SUGP2: variants seen among roughly 807,000 people sequenced by gnomAD.
The protein encoded by SUGP2 is SURP and G-patch domain-containing protein 2.
A neutral mutation model predicts 90.5 loss-of-function variants in SUGP2; 24 were observed. The observed-to-expected ratio is 0.27, with a 90% CI of 0.19 to 0.37. SUGP2 has a LOEUF of 0.37. Ranked by LOEUF, SUGP2 falls within the 10% of genes least tolerant of loss-of-function variation. The pLI, the probability that SUGP2 is intolerant of heterozygous loss-of-function variation, is 1.00. For synonymous variants in SUGP2, 473 were observed against 513.4 expected (o/e 0.92, Z 1.06); for missense variants, 1,233 against 1,363.3 (o/e 0.90, Z 1.51).
Position 19,001,638 on chromosome 19 carries a change from C to G in SUGP2, c.2966G>C (p.Arg989Pro). The G allele has an allele frequency of 6.2e-7, 1 of 1,614,188 alleles. No homozygotes were observed. The highest frequency in any genetic ancestry group is 2.2e-5 in the East Asian group (1 of 44,884). ...CTTCTTTTTGGACATGGGACGACCC[C>G]GAGGCCTGTCATAGGCAATTCGAAC... The part of the protein sequence containing the change: ...EPVRIAYDRP[R>P]GRPMSKKKKP... Residue 989 changes from arginine to proline, a missense_variant, in exon 8 of 11, where the codon CGG becomes CCG. Transcript: ENST00000452918.
chr19:19,000,751 A>G (rs1009398432), intron 8 of SUGP2, among the ~76,000 whole-genome samples: 2 of 150,452 alleles, frequency 1.3e-5, no homozygotes, highest in Non-Finnish European at 3.0e-5. Context: ...TCTGTCGCCC[A>G]AGCTGGGGTG....
At chr19:18,995,315 CAGGGAGATGCCTGGATCA>C (rs753532189) in intron 8 of SUGP2, 35 bp from the exon 9 acceptor site, 1 of 1,561,104 alleles carries the variant, frequency 6.4e-7, no homozygotes, top group Non-Finnish European at 8.7e-7. Context: ...ATGTGGGCCA[CAGGGAGATGCCTGGATCA>C]AGGGTCTGTC....
At chr19:18,999,892 G>A (rs907973139) in intron 8 of SUGP2, among the ~76,000 whole-genome samples, 4 of 152,116 alleles carry the variant, frequency 2.6e-5, no homozygotes, top group Non-Finnish European at 5.9e-5. Flanking sequence ...TCCCTCTTCT[G>A]CCCAAGCTGA....
Position 18,994,391 on chromosome 19 carries a change from T to C in SUGP2, c.3224A>G (p.Tyr1075Cys). ...CTATTTGTTGGCCCGCTTGTGTCTG[T>C]ACATCTGCATCATCCTCTGTCGGAA... ...DVFRQRMMQM[Y>C]RHKRANK Residue 1075 changes from tyrosine to cysteine, a missense_variant, in exon 10 of 11, where the codon TAC becomes TGC. By Grantham distance (194) the Tyr-to-Cys change is radical (BLOSUM62 -2). Transcript: ENST00000452918. 1 of 1,614,240 alleles carries C rather than the reference T, an allele frequency of 6.2e-7. No homozygotes were observed. Among genetic ancestry groups the C allele is most frequent in the Admixed American group, 1.7e-5 (1 of 60,024 alleles).
Position 19,010,036 on chromosome 19 carries a change from G to T in SUGP2, c.2157C>A (p.Gly719=). The stretch of plus-strand genomic sequence containing the variant: ...GCAGGGATGGTTTTGCCTGTGAGAG[G>T]CCTGGAGCCTGCCGGCCGTGGTGTT... ...RLKHHGRQAP[G]LSQAKPSLPD... The change falls in exon 5 of 11, where the codon GGC becomes GGA. Residue 719 remains glycine, a synonymous_variant. Transcript: ENST00000452918. 1 of 1,614,100 alleles carries T rather than the reference G, an allele frequency of 6.2e-7. No individual in the cohort carries two copies. Among genetic ancestry groups the T allele is most frequent in the East Asian group, 2.2e-5 (1 of 44,860 alleles).
intron 7 of SUGP2, among the ~76,000 whole-genome samples, chr19:19,002,528 T>C (rs1349423625): frequency 6.8e-6 from 1 of 146,712 alleles, no homozygotes; most frequent in Non-Finnish European, 1.5e-5. Context: ...TTTTTTTTTT[T>C]TTGAGACACA....
At position 18,994,349 on chromosome 19, in the gene SUGP2, C is replaced by G; in HGVS notation, c.*17G>C. 6.2e-7 allele frequency: 1 copy of G among 1,613,384 alleles called. No individual in the cohort carries two copies. The highest frequency in any genetic ancestry group is 8.5e-7 in the Non-Finnish European group (1 of 1,179,526). On this transcript the variant is annotated intron_variant, in intron 10 of 10. Transcript: ENST00000452918. ...CAGCGAGGGCAGACGGCCTTACACA[C>G]TGGCCTGTGAACATACCTATTTGTT...
At position 19,025,689 on chromosome 19, in the gene SUGP2, T is replaced by A. The variant is rs767723347; in HGVS notation, c.659A>T (p.Asp220Val). The change falls in exon 3 of 11, where the codon GAC (aspartate) becomes GTC (valine). Residue 220 changes from aspartate to valine, a missense_variant. By Grantham distance (152) the Asp-to-Val change is radical. Coordinates refer to ENST00000452918, the MANE Select transcript of SUGP2 (RefSeq NM_001017392.5). ...QARGRALNIV[D>V]QEGSLLGKGE... ...CTTTCCTAGGAGGGAACCTTCCTGG[T>A]CAACGATGTTTAGAGCTCGACCTCT... is the stretch of plus-strand genomic sequence containing the variant. The A allele has an allele frequency of 5.8e-5, 93 of 1,613,930 alleles. No individual in the cohort carries two copies. The highest frequency in any genetic ancestry group is 7.4e-5 in the Non-Finnish European group (87 of 1,180,006).
chr19:18,995,058 C>T, intron 9 of SUGP2, 86 bp downstream of exon 9: 1 of 1,529,126 alleles, frequency 6.5e-7, no homozygotes, highest in Non-Finnish European at 8.9e-7. Flanking sequence ...TGTAAGCCAT[C>T]TTGGCTGTGA....
chr19:19,029,431 G>A (rs1234329054), intron 2 of SUGP2, among the ~76,000 whole-genome samples: 1 of 143,570 alleles, frequency 7.0e-6, no homozygotes, highest in Non-Finnish European at 1.5e-5. Context: ...ACTGCGCCCG[G>A]CCATTTTTTT....
chr19:19,006,333 G>A (rs1420366276), intron 6 of SUGP2, among the ~76,000 whole-genome samples: 4 of 152,074 alleles, frequency 2.6e-5, no homozygotes, highest in African/African-American at 9.7e-5. Context: ...TTTTTCTAAA[G>A]GCAAAAGAAA....
upstream of SUGP2, chr19:19,033,760 A>C (rs1357965487): frequency 4.0e-6 from 1 of 250,950 alleles, no homozygotes; most frequent in Non-Finnish European, 7.6e-6. Flanking sequence ...CGTTGGCTTT[A>C]CCTTGGTTCG....
intron 8 of SUGP2, among the ~76,000 whole-genome samples, chr19:18,997,782 C>CAAAAAAAAAAAAAAAA (rs35875282): frequency 1.1e-5 from 1 of 88,278 alleles, no homozygotes; most frequent in Non-Finnish European, 2.2e-5. Flanking sequence ...GACTCCGTCT[C>CAAAAAAAAAAAAAAAA]AAAAAAAAAA....
intron 1 of SUGP2, among the ~76,000 whole-genome samples, chr19:19,031,824 C>T (rs895608538): frequency 5.8e-5 from 8 of 138,064 alleles, no homozygotes; most frequent in South Asian, 2.3e-4. Context: ...TTTTATTTAT[C>T]TTTTTTTTTT....
rs190595836 is a variant in SUGP2 at position 19,008,951 on chromosome 19, G to A, written c.2339-523C>T. Among the ~76,000 whole-genome samples, 18 of 152,146 alleles carry A rather than the reference G, an allele frequency of 1.2e-4. No individual in the cohort carries two copies. In the East Asian group the frequency reaches 2.9e-3, roughly 24 times the overall value. ...TTTTGAGATGGAGTCTTGCTCTGTC[G>A]CCCAGGCTGGAGTGCAGTGGTGAGA... is the stretch of plus-strand genomic sequence containing the variant. On this transcript the variant is annotated intron_variant, in intron 5 of 10. Transcript: ENST00000452918.
intron 3 of SUGP2, among the ~76,000 whole-genome samples, chr19:19,022,503 A>G (rs2145662425): frequency 6.6e-6 from 1 of 152,340 alleles, no homozygotes; most frequent in South Asian, 2.1e-4. Flanking sequence ...GGTCAATATC[A>G]GGATGTAGCA....
rs762775198 is a variant in SUGP2, at chr19:19,010,142, C to T, written c.2051G>A (p.Arg684His). 14 of 1,612,398 alleles carry T rather than the reference C, an allele frequency of 8.7e-6. No homozygotes were observed. The highest frequency in any genetic ancestry group is 3.3e-4 in the Middle Eastern group (2 of 6,054). The change falls in exon 5 of 11, where the codon CGT becomes CAT. Residue 684 changes from arginine to histidine, a missense_variant. Arg to His is a conservative substitution (Grantham distance 29, BLOSUM62 0). Around this residue, in one of 8 missense-constraint regions of SUGP2, gnomAD observed 540 missense variants for 542.6 expected, o/e 1.00. Coordinates refer to ENST00000452918, the MANE Select transcript of SUGP2 (RefSeq NM_001017392.5). ...CTTCCAGCCCCGGAGCCCTTGAGCA[C>T]GGAGGAGCCCCCGCCGCTGCCACGG... ...LLPWQRRGLL[R>H]AQGLRGWKAR...
chr19:19,008,470 G>A (rs1250012664), intron 5 of SUGP2, 42 bp from the exon 6 acceptor site: 9 of 1,492,032 alleles, frequency 6.0e-6, no homozygotes, highest in Admixed American at 5.0e-5. Context: ...CTCCTGAGCT[G>A]CTGCTCCCCG....
intron 4 of SUGP2, 96 bp downstream of exon 4, chr19:19,019,013 G>A: frequency 7.2e-7 from 1 of 1,382,480 alleles, no homozygotes; most frequent in Admixed American, 2.0e-5. Flanking sequence ...ACTTGCTCAA[G>A]TATCTCACCC....
Sources: allele counts gnomAD v4.1 joint callset (sites outside exome capture counted in the v4.1 genomes callset), GRCh38; gene constraint gnomAD v4.1.1; regional missense constraint gnomAD v4.1.1; transcripts MANE v1.5; gene names NCBI Gene and HGNC (gene_info 2026-07-23, HGNC 2026-07-21).